MEI4: variants seen among roughly 807,000 people sequenced by gnomAD.
The protein encoded by MEI4 is meiosis-specific protein MEI4.
A neutral mutation model predicts 31.4 loss-of-function variants in MEI4; 27 were observed. That is an observed-to-expected ratio of 0.86 (90% CI 0.63 to 1.19). The LOEUF is 1.19. Ranked by LOEUF, MEI4 falls within the 50% of genes most tolerant of loss-of-function variation. The probability of loss-of-function intolerance (pLI) is 0.00; values close to 1 mark genes in which losing one functional copy is unlikely to be tolerated. For missense variants in MEI4, 329 were observed against 398.9 expected (o/e 0.82, Z 1.49); for synonymous variants, 122 against 145.4 (o/e 0.84, Z 1.16).
upstream of MEI4, among the ~76,000 whole-genome samples, chr6:77,650,388 C>T (rs1057220637): frequency 6.6e-6 from 1 of 152,242 alleles, no homozygotes; most frequent in African/African-American, 2.4e-5. Flanking sequence ...TTGTGGTCTC[C>T]GGGACCTGCT....
chr6:77,815,899 A>C (rs76735266), intron 3 of MEI4, among the ~76,000 whole-genome samples: 1 of 151,718 alleles, frequency 6.6e-6, no homozygotes. Flanking sequence ...GAAAAAAAAA[A>C]ACCAAAACAA....
chr6:77,696,087 A>G (rs569087680), intron 2 of MEI4, among the ~76,000 whole-genome samples: 3 of 152,316 alleles, frequency 2.0e-5, no homozygotes, highest in Non-Finnish European at 4.4e-5. Context: ...GTGTATAAGA[A>G]TGCTTGTGAG....
At chr6:77,864,067 G>C (rs1770948694) in intron 4 of MEI4, among the ~76,000 whole-genome samples, 6 of 152,138 alleles carry the variant, frequency 3.9e-5, no homozygotes, top group Non-Finnish European at 1.5e-5. Flanking sequence ...CCCTAAAAGA[G>C]CTCCTGAAGG....
intron 3 of MEI4, among the ~76,000 whole-genome samples, chr6:77,827,366 A>C (rs1199378435): frequency 6.7e-6 from 1 of 148,922 alleles, no homozygotes; most frequent in Non-Finnish European, 1.5e-5. Flanking sequence ...ATCTTAAAAA[A>C]AAAAAAAAAA....
At chr6:77,671,505 A>C (rs944579478) in intron 1 of MEI4, among the ~76,000 whole-genome samples, 32 of 152,334 alleles carry the variant, frequency 2.1e-4, no homozygotes, top group African/African-American at 7.5e-4. Context: ...AAAATGAAAA[A>C]AAACCGAAGT....
At chr6:77,782,529 AG>A (rs1197077218) in intron 3 of MEI4, among the ~76,000 whole-genome samples, 1 of 152,190 alleles carries the variant, frequency 6.6e-6, no homozygotes, top group Non-Finnish European at 1.5e-5. Flanking sequence ...ACTTTATTCC[AG>A]TATGATTGCG....
intron 4 of MEI4, among the ~76,000 whole-genome samples, chr6:77,866,002 A>C (rs1216334093): frequency 6.6e-6 from 1 of 152,178 alleles, no homozygotes; most frequent in African/African-American, 2.4e-5. Flanking sequence ...CAATAGATGC[A>C]GAAAAGGCCT....
rs1299279518 is a variant in MEI4 at position 77,925,627 on chromosome 6, A to G, written c.*2281A>G. 1 of 151,492 alleles carries G rather than the reference A, an allele frequency of 6.6e-6. No homozygotes were observed. Among genetic ancestry groups the G allele is most frequent in the Non-Finnish European group, 1.5e-5 (1 of 67,770 alleles). The allele number at this position is 151,492 out of a possible 1,614,324, so 9.4% of individuals were successfully genotyped here. A position where few individuals can be genotyped will look rare whatever the true frequency, so the allele number is the denominator to read the frequency against. On this transcript the variant is annotated 3_prime_UTR_variant, in exon 5 of 5. Coordinates refer to ENST00000684080, the MANE Select transcript of MEI4 (RefSeq NM_001322247.2). ...GGATAAGAGTAATGGAGTCAGTAGT[A>G]ATTGGGCAGCATTGAAACTGGATAT...
At chr6:77,822,836 A>G (rs1374756583) in intron 3 of MEI4, among the ~76,000 whole-genome samples, 3 of 151,750 alleles carry the variant, frequency 2.0e-5, no homozygotes, top group African/African-American at 7.3e-5. Context: ...GTTAGCCAGG[A>G]TGGTCTTGAT....
chr6:77,816,572 G>A (rs976967281), intron 3 of MEI4, among the ~76,000 whole-genome samples: 1 of 152,080 alleles, frequency 6.6e-6, no homozygotes, highest in South Asian at 2.1e-4. Context: ...CCAAGTCTTT[G>A]CTATTGTGAA....
intron 2 of MEI4, among the ~76,000 whole-genome samples, chr6:77,746,203 A>G (rs1767597432): frequency 6.6e-6 from 1 of 152,202 alleles, no homozygotes; most frequent in Admixed American, 6.5e-5. Context: ...TGAAAGGATC[A>G]ACAAAATTGA....
intron 1 of MEI4, among the ~76,000 whole-genome samples, chr6:77,670,244 TG>T (rs1229153875): frequency 2.0e-5 from 3 of 152,002 alleles, no homozygotes; most frequent in Admixed American, 1.3e-4. Flanking sequence ...TTTCAAATGT[TG>T]TATTCCTCTA....
At chr6:77,737,169 T>C (rs1017083344) in intron 2 of MEI4, among the ~76,000 whole-genome samples, 1 of 152,208 alleles carries the variant, frequency 6.6e-6, no homozygotes, top group African/African-American at 2.4e-5. Flanking sequence ...ACTTAATATT[T>C]ATTGAGTGTA....
chr6:77,687,110 TA>T (rs1318955642), intron 1 of MEI4, among the ~76,000 whole-genome samples: 17 of 151,988 alleles, frequency 1.1e-4, no homozygotes, highest in Non-Finnish European at 2.5e-4. Flanking sequence ...AGGTCATATG[TA>T]ATATGACTAC....
chr6:77,807,531 A>G (rs1365457444), intron 3 of MEI4, among the ~76,000 whole-genome samples: 1 of 152,182 alleles, frequency 6.6e-6, no homozygotes, highest in Non-Finnish European at 1.5e-5. Flanking sequence ...AAAACATGAC[A>G]CTGTTGCTGG....
At chr6:77,777,214 T>C (rs1768472359) in intron 3 of MEI4, among the ~76,000 whole-genome samples, 1 of 151,986 alleles carries the variant, frequency 6.6e-6, no homozygotes, top group South Asian at 2.1e-4. Context: ...AGAAAGGAAA[T>C]AGACAATTGA....
intron 2 of MEI4, among the ~76,000 whole-genome samples, chr6:77,750,103 G>A (rs888153911): frequency 2.6e-5 from 4 of 152,136 alleles, no homozygotes; most frequent in African/African-American, 9.7e-5. Context: ...CCTGCCTTAT[G>A]AGAGCTCCTG....
chr6:77,841,333 A>ATATATTTTTT lies in MEI4; in HGVS notation c.900+12272_900+12273insATATTTTTTT. On this transcript the variant is annotated intron_variant, in intron 4 of 4. Coordinates refer to ENST00000684080, the MANE Select transcript of MEI4 (RefSeq NM_001322247.2). ...TGTGTGCATATATATATATATATAT[A>ATATATTTTTT]TTTTTTTTTTTTTTTTTTTTTTTGA... Among the ~76,000 whole-genome samples, 63 of 27,736 alleles carry ATATATTTTTT rather than the reference A, an allele frequency of 2.3e-3. 2 individuals are homozygous for ATATATTTTTT. The highest frequency in any genetic ancestry group is 0.018 in the East Asian group (8 of 446). 18.2% of individuals were successfully genotyped at this position (27,736 alleles called of 152,430 possible).
intron 2 of MEI4, among the ~76,000 whole-genome samples, chr6:77,713,565 A>G (rs1440152794): frequency 6.6e-6 from 1 of 152,208 alleles, no homozygotes; most frequent in Non-Finnish European, 1.5e-5. Context: ...GTTTCAGTCC[A>G]GAATCAAAAG....
Sources: gnomAD v4.1 joint callset for allele counts (sites outside exome capture counted in the v4.1 genomes callset) on GRCh38, gnomAD v4.1.1 for gene constraint, MANE v1.5 for transcripts, NCBI Gene and HGNC (gene_info 2026-07-23, HGNC 2026-07-21) for gene names.